TBC1D22A: variants seen among roughly 807,000 people sequenced by gnomAD.
The protein encoded by TBC1D22A is TBC1 domain family member 22A.
In TBC1D22A, 38 loss-of-function variants were observed where a neutral mutation model predicts 60.2. The observed-to-expected ratio is 0.63, with a 90% CI of 0.49 to 0.83. The LOEUF is 0.83. TBC1D22A is among the 40% of genes least tolerant of loss of function. The pLI is 0.00. For synonymous variants in TBC1D22A, 302 were observed against 281.7 expected (o/e 1.07, Z -0.72); for missense variants, 628 against 701.0 (o/e 0.90, Z 1.18).
chr22:46,968,588 T>C (rs543496869), intron 8 of TBC1D22A, among the ~76,000 whole-genome samples: 1 of 151,276 alleles, frequency 6.6e-6, no homozygotes, highest in Non-Finnish European at 1.5e-5. Flanking sequence ...CCGGCGGTCC[T>C]GAGTGGGCGG....
At chr22:47,105,129 G>A (rs2065585869) in intron 11 of TBC1D22A, among the ~76,000 whole-genome samples, 1 of 151,662 alleles carries the variant, frequency 6.6e-6, no homozygotes, top group Non-Finnish European at 1.5e-5. Context: ...ATTTTACAGA[G>A]TTTGATTCTT....
intron 4 of TBC1D22A, among the ~76,000 whole-genome samples, chr22:46,858,467 C>T (rs1045418144): frequency 8.5e-5 from 13 of 152,154 alleles, no homozygotes; most frequent in African/African-American, 3.1e-4. Flanking sequence ...AAACACCCCC[C>T]CCAGCTCTGA....
chr22:46,856,500 T>C lies in TBC1D22A; in HGVS notation c.638-22153T>C, dbSNP rs202090316. ...GTTGAAAGGATTTAGATTTTTAACA[T>C]GAAATAGCAGTAGCCTTTCCTTTAA... On this transcript the variant is annotated intron_variant, in intron 4 of 12. Transcript: ENST00000337137. 4.6e-5 allele frequency among the ~76,000 whole-genome samples: 7 copies of C among 152,352 alleles called. No individual in the cohort carries two copies. In the East Asian group the frequency reaches 1.4e-3, roughly 29 times the overall value.
At chr22:47,062,901 G>GC (rs2063627218) in intron 11 of TBC1D22A, among the ~76,000 whole-genome samples, 2 of 139,548 alleles carry the variant, frequency 1.4e-5, no homozygotes, top group Non-Finnish European at 3.1e-5. Context: ...GCACTCCACA[G>GC]CCCCCCAGGC....
rs111432562 is a variant in TBC1D22A, at chr22:47,038,599, G to C, written c.1329+1401G>C. On this transcript the variant is annotated intron_variant, in intron 11 of 12. Transcript: ENST00000337137. ...TCTCATTCTGAGCCTGTTTTTGTGTGAGTCATCTAGAACAGTGCCCCAAAG... is the reference window on the plus strand; with the variant it reads ...TCTCATTCTGAGCCTGTTTTTGTGTCAGTCATCTAGAACAGTGCCCCAAAG... Among the ~76,000 whole-genome samples the C allele has an allele frequency of 4.9e-3, 741 of 152,316 alleles. 5 individuals are homozygous for C. The highest frequency in any genetic ancestry group is 0.014 in the Middle Eastern group (4 of 294).
intron 11 of TBC1D22A, among the ~76,000 whole-genome samples, chr22:47,066,961 G>T (rs2063793567): frequency 6.6e-6 from 1 of 152,102 alleles, no homozygotes; most frequent in Non-Finnish European, 1.5e-5. Flanking sequence ...CCCGATACCA[G>T]TCCTTTTAAA....
intron 4 of TBC1D22A, among the ~76,000 whole-genome samples, chr22:46,863,604 G>C (rs566612961): frequency 6.6e-6 from 1 of 152,134 alleles, no homozygotes; most frequent in Admixed American, 6.5e-5. Context: ...CTTGGTCATC[G>C]TGCTTATCCC....
chr22:47,166,744 A>G (rs533806193), intron 12 of TBC1D22A, among the ~76,000 whole-genome samples: 3 of 152,230 alleles, frequency 2.0e-5, no homozygotes, highest in Non-Finnish European at 2.9e-5. Context: ...AGCCCTGGGC[A>G]TGTGGTCACC....
At chr22:46,792,482 G>A (rs938861621) in intron 1 of TBC1D22A, 38 bp from the exon 2 acceptor site, 23 of 1,614,020 alleles carry the variant, frequency 1.4e-5, no homozygotes, top group Non-Finnish European at 1.9e-5. Context: ...GGGAAGGCAG[G>A]AGAGAGGCTC....
intron 4 of TBC1D22A, among the ~76,000 whole-genome samples, chr22:46,865,665 C>T (rs1171485077): frequency 6.6e-6 from 1 of 152,224 alleles, no homozygotes; most frequent in Admixed American, 6.5e-5. Flanking sequence ...TTCCCCTGCA[C>T]AGGCATGTCC....
At chr22:46,840,334 A>C (rs2086696441) in intron 4 of TBC1D22A, among the ~76,000 whole-genome samples, 1 of 152,246 alleles carries the variant, frequency 6.6e-6, no homozygotes, top group Non-Finnish European at 1.5e-5. Context: ...GAAGACATAC[A>C]GATTATCAAT....
chr22:47,012,461 C>T (rs766135348), intron 10 of TBC1D22A, among the ~76,000 whole-genome samples: 3 of 152,152 alleles, frequency 2.0e-5, no homozygotes, highest in African/African-American at 2.4e-5. Flanking sequence ...CCCTCACTGT[C>T]GTCCTGGGCC....
intron 4 of TBC1D22A, among the ~76,000 whole-genome samples, chr22:46,810,459 A>T (rs1373288017): frequency 6.6e-6 from 1 of 152,064 alleles, no homozygotes; most frequent in African/African-American, 2.4e-5. Context: ...AAAAAAGTAT[A>T]TATTTATGGA....
intron 8 of TBC1D22A, among the ~76,000 whole-genome samples, chr22:46,972,882 G>A (rs558287552): frequency 6.6e-6 from 1 of 152,322 alleles, no homozygotes; most frequent in South Asian, 2.1e-4. Context: ...TGTGCGAACT[G>A]GCTGGAATCC....
At chr22:46,840,005 C>G (rs563702779) in intron 4 of TBC1D22A, among the ~76,000 whole-genome samples, 174 of 152,228 alleles carry the variant, frequency 1.1e-3, no homozygotes, top group African/African-American at 4.0e-3. Flanking sequence ...TGGAAGAAAA[C>G]ATAGGGAAAA....
At chr22:46,832,943 A>G (rs1301927879) in intron 4 of TBC1D22A, among the ~76,000 whole-genome samples, 1 of 152,146 alleles carries the variant, frequency 6.6e-6, no homozygotes, top group Non-Finnish European at 1.5e-5. Flanking sequence ...TCCCCAGCTA[A>G]GCTGCATGGG....
At chr22:46,912,267 A>T in intron 8 of TBC1D22A, 79 bp downstream of exon 8, 4 of 1,043,472 alleles carry the variant, frequency 3.8e-6, no homozygotes, top group Non-Finnish European at 5.8e-6. Context: ...AACAATATTG[A>T]AAATTGCTAC....
intron 12 of TBC1D22A, among the ~76,000 whole-genome samples, chr22:47,139,546 G>A (rs1055967776): frequency 6.6e-6 from 1 of 152,216 alleles, no homozygotes; most frequent in African/African-American, 2.4e-5. Context: ...CCTCCAGGGG[G>A]CTTTGGGTCG....
chr22:46,957,151 G>A (rs1384017024), intron 8 of TBC1D22A, among the ~76,000 whole-genome samples: 2 of 152,232 alleles, frequency 1.3e-5, no homozygotes, highest in African/African-American at 2.4e-5. Flanking sequence ...GCAGGCACCA[G>A]GTGTGATGGG....
Sources: gnomAD v4.1 joint callset for allele counts (sites outside exome capture counted in the v4.1 genomes callset) on GRCh38, gnomAD v4.1.1 for gene constraint, MANE v1.5 for transcripts, NCBI Gene and HGNC (gene_info 2026-07-23, HGNC 2026-07-21) for gene names.